The following CCDC92B variants were observed in gnomAD, a reference collection of about 807,000 sequenced individuals.
CCDC92B encodes coiled-coil domain-containing 92B.
CCDC92B carries 2 observed loss-of-function variants against 5.6 expected under a neutral mutation model. The observed-to-expected ratio is 0.36, with a 90% CI of 0.15 to 1.12. CCDC92B has a LOEUF of 1.12. Among genes scored for constraint, CCDC92B ranks in the 50% most tolerant of loss-of-function variants. The pLI, the probability that CCDC92B is intolerant of heterozygous loss-of-function variation, is 0.40. For missense variants in CCDC92B, 271 were observed against 262.2 expected (o/e 1.03, Z -0.23); for synonymous variants, 115 against 122.3 (o/e 0.94, Z 0.39).
rs968388861 is a variant in CCDC92B at position 2,731,872 on chromosome 17, G to C, written c.131-1379C>G. Among the ~76,000 whole-genome samples the C allele has an allele frequency of 5.3e-5, 8 of 152,350 alleles. No individual in the cohort carries two copies. In the South Asian group the frequency reaches 6.2e-4, roughly 12 times the overall value. On this transcript the variant is annotated intron_variant, in intron 2 of 3. Coordinates refer to ENST00000614400, the MANE Select transcript of CCDC92B (RefSeq NM_001355573.2). ...CTTGGCTCCGCCATTAACTCCCTGT[G>C]GGTGGTTTCTCTTCAGCCTTTCAAC...
rs1193208326 is a variant in CCDC92B at position 2,749,582 on chromosome 17, G to GGGCTCCGGGA, written c.-196_-195insTCCCGGAGCC. 2 of 150,820 alleles carry GGGCTCCGGGA rather than the reference G, an allele frequency of 1.3e-5. No individual in the cohort carries two copies. The highest frequency in any genetic ancestry group is 4.9e-5 in the African/African-American group (2 of 41,086). 9.3% of individuals were successfully genotyped at this position (150,820 alleles called of 1,614,324 possible). A position where few individuals can be genotyped will look rare whatever the true frequency, so the allele number is the denominator to read the frequency against. On this transcript the variant is annotated 5_prime_UTR_variant, in exon 1 of 4. Transcript: ENST00000614400. ...GGGGCAGTCGGGCCGGGGCTCCGGG[G>GGGCTCCGGGA]GGCTCGGGGGCGCCGAAGGGGGGTC...
intron 1 of CCDC92B, among the ~76,000 whole-genome samples, chr17:2,737,438 C>T (rs1000508880): frequency 1.3e-5 from 2 of 151,466 alleles, no homozygotes; most frequent in African/African-American, 4.9e-5. Flanking sequence ...CTCCCCTGAC[C>T]CCCCTAATCC....
At position 2,725,017 on chromosome 17, in the gene CCDC92B, G is replaced by GC; in HGVS notation, c.179-18dup. ...ACGCCGCCTCTGGAACGGGGCAGAGGCCAGAGGTGACGGTCTCCCCCTGGC... is the reference window on the plus strand; with the variant it reads ...ACGCCGCCTCTGGAACGGGGCAGAGGCCCAGAGGTGACGGTCTCCCCCTGGC... On this transcript the variant is annotated splice_polypyrimidine_tract_variant and intron_variant, in intron 3 of 3. Coordinates refer to ENST00000614400, the MANE Select transcript of CCDC92B (RefSeq NM_001355573.2). 1 of 985,338 alleles carries GC rather than the reference G, an allele frequency of 1.0e-6. No individual in the cohort carries two copies. The allele number at this position is 985,338 out of a possible 1,614,324, so 61.0% of individuals were successfully genotyped here. A position where few individuals can be genotyped will look rare whatever the true frequency, so the allele number is the denominator to read the frequency against.
rs576679673 is a variant in CCDC92B, at chr17:2,721,389, G to C, written c.*3022C>G. 1.3e-5 allele frequency: 2 copies of C among 152,350 alleles called. No individual in the cohort carries two copies. Among genetic ancestry groups the C allele is most frequent in the Non-Finnish European group, 2.9e-5 (2 of 68,140 alleles). The allele number at this position is 152,350 out of a possible 1,614,324, so 9.4% of individuals were successfully genotyped here. On this transcript the variant is annotated 3_prime_UTR_variant, in exon 4 of 4. Coordinates refer to ENST00000614400, the MANE Select transcript of CCDC92B (RefSeq NM_001355573.2). ...CAATGGGGATTCGTGCAGCAGAGGA[G>C]AGAGAAATGCAGTCCTTTCCCTTCT...
intron 3 of CCDC92B, among the ~76,000 whole-genome samples, chr17:2,729,549 A>G (rs1241296278): frequency 6.6e-6 from 1 of 151,470 alleles, no homozygotes; most frequent in Non-Finnish European, 1.5e-5. Flanking sequence ...AACGTGCGTT[A>G]TACTTCAGAG....
chr17:2,733,818 C>T (rs2070827616), intron 2 of CCDC92B, among the ~76,000 whole-genome samples: 1 of 127,378 alleles, frequency 7.9e-6, no homozygotes. Flanking sequence ...AGTACAATGG[C>T]AACCATCTTG....
Position 2,724,859 on chromosome 17 carries a change from G to T in CCDC92B, c.320C>A (p.Thr107Asn). 1.0e-6 allele frequency: 1 copy of T among 985,142 alleles called. No individual in the cohort carries two copies. Among genetic ancestry groups the T allele is most frequent in the Non-Finnish European group, 1.2e-6 (1 of 829,802 alleles). The allele number at this position is 985,142 out of a possible 1,614,324, so 61.0% of individuals were successfully genotyped here. Residue 107 changes from threonine (T) to asparagine (N), a missense_variant, in exon 4 of 4, where the codon ACC (threonine) becomes AAC (asparagine). Physicochemically the swap from Thr to Asn is moderately conservative, Grantham distance 65. Coordinates refer to ENST00000614400, the MANE Select transcript of CCDC92B (RefSeq NM_001355573.2). This position sits in a 1 kb window ranked among gnomAD's most constrained non-coding sequence, Gnocchi z 5.0. ...CTCCTCCAGGAAGCGGCGCTCCTCGGTGCGCAGGCTGCAGCGCAGCGCGGA... is the reference window on the plus strand; with the variant it reads ...CTCCTCCAGGAAGCGGCGCTCCTCGTTGCGCAGGCTGCAGCGCAGCGCGGA... ...LVSALRCSLR[T>N]EERRFLEELR...
At chr17:2,730,137 G>A (rs1480252351) in intron 3 of CCDC92B, among the ~76,000 whole-genome samples, 6 of 152,172 alleles carry the variant, frequency 3.9e-5, no homozygotes, top group Non-Finnish European at 8.8e-5. Context: ...CAGAGACATG[G>A]ATACAGGCTA....
intron 1 of CCDC92B, among the ~76,000 whole-genome samples, chr17:2,740,017 A>G (rs1454133989): frequency 6.6e-6 from 1 of 152,104 alleles, no homozygotes; most frequent in Non-Finnish European, 1.5e-5. Flanking sequence ...ATAGAATTAC[A>G]ATCTGTGATA....
chr17:2,729,906 G>T (rs140370978), intron 3 of CCDC92B, among the ~76,000 whole-genome samples: 26 of 152,038 alleles, frequency 1.7e-4, no homozygotes, highest in Non-Finnish European at 2.6e-4. Context: ...TTCTTTTCTC[G>T]TATAGAACAA....
chr17:2,748,052 C>A (rs772532958), intron 1 of CCDC92B: 2 of 509,726 alleles, frequency 3.9e-6, no homozygotes. Context: ...TAGAAGCACC[C>A]CACTGGGTGC....
chr17:2,743,913 T>G (rs1021135348), intron 1 of CCDC92B, among the ~76,000 whole-genome samples: 1 of 152,216 alleles, frequency 6.6e-6, no homozygotes, highest in Non-Finnish European at 1.5e-5. Context: ...AGTCTGGCTC[T>G]GTTGCCCAGG....
chr17:2,725,154 A>G (rs543445184), intron 3 of CCDC92B, among the ~76,000 whole-genome samples, 154 bp from the exon 4 acceptor site: 1 of 151,980 alleles, frequency 6.6e-6, no homozygotes, highest in Non-Finnish European at 1.5e-5. Flanking sequence ...GGGCAGATGG[A>G]CTTGAGGTCA....
In CCDC92B at chr17:2,732,906, G is replaced by A. The variant is rs561780296; in HGVS notation, c.130+2110C>T. 4.2e-4 allele frequency among the ~76,000 whole-genome samples: 63 copies of A among 150,968 alleles called. No individual in the cohort carries two copies. The South Asian group carries it at 0.01, about 25-fold the overall frequency. ...CAGGCGCCTGTAGTCCCAGCTACTCGGGAGGCTGAGGCAGGAGAATGGTGT... is the reference window on the plus strand; with the variant it reads ...CAGGCGCCTGTAGTCCCAGCTACTCAGGAGGCTGAGGCAGGAGAATGGTGT... On this transcript the variant is annotated intron_variant, in intron 2 of 3. Transcript: ENST00000614400.
At chr17:2,747,007 C>A (rs2070994669) in intron 1 of CCDC92B, among the ~76,000 whole-genome samples, 1 of 152,078 alleles carries the variant, frequency 6.6e-6, no homozygotes, top group South Asian at 2.1e-4. Flanking sequence ...TTTTACAGTC[C>A]AATATTTCCT....
chr17:2,724,442 C>G lies in CCDC92B; in HGVS notation c.737G>C (p.Ser246Thr), dbSNP rs2070699334. The G allele has an allele frequency of 1.0e-6, 1 of 983,842 alleles. No individual in the cohort carries two copies. The highest frequency in any genetic ancestry group is 1.8e-5 in the African/African-American group (1 of 56,930). 60.9% of individuals were successfully genotyped at this position (983,842 alleles called of 1,614,324 possible). A position where few individuals can be genotyped will look rare whatever the true frequency, so the allele number is the denominator to read the frequency against. The part of the protein sequence containing the change: ...PDRAGPQPAP[S>T]QPSAPGDPE ...CGGGTCCCCGGGCGCGCTGGGCTGGCTGGGCGCGGGCTGCGGGCCGGCTCG... is the reference window on the plus strand; with the variant it reads ...CGGGTCCCCGGGCGCGCTGGGCTGGGTGGGCGCGGGCTGCGGGCCGGCTCG... Residue 246 changes from serine (S) to threonine (T), a missense_variant, in exon 4 of 4, where the codon AGC becomes ACC. Transcript: ENST00000614400. The surrounding 1 kb of genome is among the most constrained non-coding windows in gnomAD (Gnocchi z 5.0).
In CCDC92B at chr17:2,740,617, C is replaced by T. The variant is rs183391442; in HGVS notation, c.-23-5449G>A. ...GGCGGAGGTTGCAGTGAGCCGACATCGTGCTACTGCACTCAAGCCTGGGCG... is the reference window on the plus strand; with the variant it reads ...GGCGGAGGTTGCAGTGAGCCGACATTGTGCTACTGCACTCAAGCCTGGGCG... On this transcript the variant is annotated intron_variant, in intron 1 of 3. Coordinates refer to ENST00000614400, the MANE Select transcript of CCDC92B (RefSeq NM_001355573.2). Among the ~76,000 whole-genome samples, 50 of 151,884 alleles carry T rather than the reference C, an allele frequency of 3.3e-4. 1 individual carries two copies. Among genetic ancestry groups the T allele is most frequent in the African/African-American group, 1.1e-3 (46 of 41,328 alleles).
Position 2,735,074 on chromosome 17 carries a change from C to G in CCDC92B, c.72G>C (p.Gln24His). ...QRHISFLKKEQMALLRDLHLE... is the reference protein window; with the variant it reads ...QRHISFLKKEHMALLRDLHLE... ...GGTGCAGGTCTCGCAGCAGGGCCAT[C>G]TGCTCCTTTTTCAGGAAGCTGATGT... is the stretch of plus-strand genomic sequence containing the variant. The change falls in exon 2 of 4, where the codon CAG (glutamine) becomes CAC (histidine). Residue 24 changes from glutamine (Q) to histidine (H), a missense_variant. Transcript: ENST00000614400. 1.0e-6 allele frequency: 1 copy of G among 985,584 alleles called. No homozygotes were observed. The highest frequency in any genetic ancestry group is 1.2e-6 in the Non-Finnish European group (1 of 830,022). 61.1% of individuals were successfully genotyped at this position (985,584 alleles called of 1,614,324 possible).
At chr17:2,725,668 G>A (rs11078323) in intron 3 of CCDC92B, among the ~76,000 whole-genome samples, 93,634 of 151,592 alleles carry the variant, frequency 0.62, 34,255 homozygotes, top group Non-Finnish European at 0.8. Context: ...CGGTCTCTGT[G>A]AAGCTTATTG....
Sources: allele counts gnomAD v4.1 joint callset (sites outside exome capture counted in the v4.1 genomes callset), GRCh38; gene constraint gnomAD v4.1.1; non-coding constraint Gnocchi (gnomAD v3.1); transcripts MANE v1.5; gene names NCBI Gene and HGNC (gene_info 2026-07-23, HGNC 2026-07-21).